RSRC1: variants seen among roughly 807,000 people sequenced by gnomAD.
RSRC1 encodes the protein arginine and serine rich coiled-coil 1.
In RSRC1, 39 loss-of-function variants were observed where a neutral mutation model predicts 49.1. That is an observed-to-expected ratio of 0.79 (90% CI 0.61 to 1.04). The LOEUF (loss-of-function observed/expected upper bound fraction) is 1.04. Ranked by LOEUF, RSRC1 falls within the 50% of genes least tolerant of loss-of-function variation. RSRC1 has a pLI of 0.00. For synonymous variants in RSRC1, 143 were observed against 130.8 expected (o/e 1.09, Z -0.63); for missense variants, 388 against 402.4 (o/e 0.96, Z 0.31).
intron 5 of RSRC1, among the ~76,000 whole-genome samples, chr3:158,313,324 T>C (rs1728234660): frequency 6.6e-6 from 1 of 152,214 alleles, no homozygotes; most frequent in Admixed American, 6.5e-5. Flanking sequence ...AATAAATGTT[T>C]TTAGGTAAAT....
chr3:158,379,561 C>T (rs1270864363), intron 6 of RSRC1, among the ~76,000 whole-genome samples: 4 of 151,994 alleles, frequency 2.6e-5, no homozygotes, highest in Non-Finnish European at 4.4e-5. Context: ...CTTAAGAATC[C>T]GATGAGCTAT....
intron 4 of RSRC1, among the ~76,000 whole-genome samples, chr3:158,259,231 C>A (rs2108030823): frequency 6.6e-6 from 1 of 152,258 alleles, no homozygotes; most frequent in Non-Finnish European, 1.5e-5. Context: ...TCCGAGTATT[C>A]ATAGGGACTT....
At chr3:158,347,548 A>AT (rs141351453) in intron 5 of RSRC1, among the ~76,000 whole-genome samples, 10 of 151,444 alleles carry the variant, frequency 6.6e-5, no homozygotes, top group East Asian at 1.9e-4. Flanking sequence ...TCTGATCTTA[A>AT]TTTTTTTTTG....
At chr3:158,382,461 C>G (rs1732754216) in intron 6 of RSRC1, among the ~76,000 whole-genome samples, 1 of 152,182 alleles carries the variant, frequency 6.6e-6, no homozygotes, top group Admixed American at 6.5e-5. Context: ...ACCACAAACA[C>G]AGGACAGCCC....
chr3:158,543,587 G>A, intron 9 of RSRC1, 100 bp downstream of exon 9: 2 of 1,245,622 alleles, frequency 1.6e-6, no homozygotes, highest in Non-Finnish European at 2.2e-6. Context: ...GACCATTGGA[G>A]GAAACAGGTT....
At chr3:158,258,983 C>G (rs1346904064) in intron 4 of RSRC1, among the ~76,000 whole-genome samples, 1 of 152,114 alleles carries the variant, frequency 6.6e-6, no homozygotes, top group African/African-American at 2.4e-5. Context: ...TTTTGTTCAC[C>G]TTCCTTACAA....
chr3:158,432,180 G>A (rs1162410965), intron 6 of RSRC1, among the ~76,000 whole-genome samples: 3 of 151,846 alleles, frequency 2.0e-5, no homozygotes, highest in Admixed American at 6.6e-5. Flanking sequence ...TATGTTCTGC[G>A]CCTAATGACT....
In RSRC1 at chr3:158,204,966, A is replaced by G. The variant is rs567771511; in HGVS notation, c.494+1721A>G. Among the ~76,000 whole-genome samples the G allele has an allele frequency of 3.9e-4, 60 of 152,330 alleles. 2 individuals carry two copies. In the South Asian group the frequency reaches 0.01, roughly 26 times the overall value. On this transcript the variant is annotated intron_variant, in intron 4 of 9. Transcript: ENST00000611884. ...TTAAAAAGGGTTCTCATATGGTAAC[A>G]TTAATCTTGAATGTCTCAGCCAGCT...
At chr3:158,495,307 A>G (rs1739273052) in intron 7 of RSRC1, among the ~76,000 whole-genome samples, 1 of 151,608 alleles carries the variant, frequency 6.6e-6, no homozygotes, top group African/African-American at 2.4e-5. Context: ...GTTTGTTTTG[A>G]CAGTGTCTGA....
At chr3:158,203,010 T>C in intron 3 of RSRC1, 62 bp from the exon 4 acceptor site, 1 of 1,311,260 alleles carries the variant, frequency 7.6e-7, no homozygotes, top group Non-Finnish European at 1.1e-6. Flanking sequence ...TTTAAAAGAG[T>C]ATTTACTTTT....
intron 7 of RSRC1, among the ~76,000 whole-genome samples, chr3:158,482,692 A>T (rs1030712211): frequency 3.3e-5 from 5 of 152,032 alleles, no homozygotes; most frequent in African/African-American, 1.2e-4. Flanking sequence ...ATACTCTGTA[A>T]GTTATTTTTA....
At chr3:158,453,579 C>G (rs529182665) in intron 6 of RSRC1, among the ~76,000 whole-genome samples, 1 of 152,024 alleles carries the variant, frequency 6.6e-6, no homozygotes, top group Non-Finnish European at 1.5e-5. Flanking sequence ...AACAGGGTCT[C>G]ACCATGTTGT....
chr3:158,113,680 T>C (rs992617024), intron 1 of RSRC1, among the ~76,000 whole-genome samples: 3 of 152,194 alleles, frequency 2.0e-5, no homozygotes, highest in African/African-American at 7.2e-5. Context: ...TCTTGACTTC[T>C]TAATAATTGC....
At chr3:158,246,212 A>G (rs1457088658) in intron 4 of RSRC1, among the ~76,000 whole-genome samples, 2 of 143,704 alleles carry the variant, frequency 1.4e-5, no homozygotes, top group African/African-American at 5.0e-5. Flanking sequence ...ACACAGGGAC[A>G]CAGGAAGGGG....
At chr3:158,213,730 C>CT (rs1721811727) in intron 4 of RSRC1, among the ~76,000 whole-genome samples, 1 of 151,808 alleles carries the variant, frequency 6.6e-6, no homozygotes, top group South Asian at 2.1e-4. Flanking sequence ...GCCTTAGCTT[C>CT]TTTTTCTTGA....
At chr3:158,367,834 A>G (rs1051706596) in intron 6 of RSRC1, among the ~76,000 whole-genome samples, 3 of 152,202 alleles carry the variant, frequency 2.0e-5, no homozygotes, top group Non-Finnish European at 4.4e-5. Context: ...TTTGATACAA[A>G]TCAAATTCCT....
chr3:158,306,380 G>T (rs1049330515), intron 5 of RSRC1, among the ~76,000 whole-genome samples: 1 of 151,756 alleles, frequency 6.6e-6, no homozygotes. Context: ...ATACACACAC[G>T]TGAAGCTGGT....
At chr3:158,238,488 A>G (rs1178059694) in intron 4 of RSRC1, among the ~76,000 whole-genome samples, 1 of 152,232 alleles carries the variant, frequency 6.6e-6, no homozygotes, top group East Asian at 1.9e-4. Context: ...TACAGTAACC[A>G]AAACAGCATG....
intron 6 of RSRC1, among the ~76,000 whole-genome samples, chr3:158,439,302 T>C (rs773718321): frequency 5.9e-5 from 9 of 152,120 alleles, no homozygotes; most frequent in Non-Finnish European, 1.3e-4. Context: ...GACCCAGCAA[T>C]CCCATTACTA....
Sources: allele counts gnomAD v4.1 joint callset (sites outside exome capture counted in the v4.1 genomes callset), GRCh38; gene constraint gnomAD v4.1.1; transcripts MANE v1.5; gene names NCBI Gene and HGNC (gene_info 2026-07-23, HGNC 2026-07-21).